Variants in GRIA2 observed in about 807,000 individuals in gnomAD.
GRIA2 encodes glutamate receptor 2.
Under a neutral mutation model 97.3 loss-of-function variants are expected in GRIA2, and 14 were observed. The ratio of observed to expected loss-of-function variants is 0.14; its 90% CI spans 0.10 to 0.23. The LOEUF is 0.23. Ranked by LOEUF, GRIA2 falls within the 10% of genes least tolerant of loss-of-function variation. GRIA2 has a pLI of 1.00. For synonymous variants in GRIA2, 412 were observed against 387.8 expected (o/e 1.06, Z -0.73); for missense variants, 558 against 1,069.8 (o/e 0.52, Z 6.67).
intron 4 of GRIA2, among the ~76,000 whole-genome samples, chr4:157,317,039 T>C (rs1432729783): frequency 6.6e-6 from 1 of 152,170 alleles, no homozygotes; most frequent in African/African-American, 2.4e-5. Context: ...GGAGAAAAAT[T>C]AGCTTCTCTG....
intron 2 of GRIA2, among the ~76,000 whole-genome samples, chr4:157,302,437 T>A (rs1733657656): frequency 6.6e-6 from 1 of 152,144 alleles, no homozygotes; most frequent in Admixed American, 6.5e-5. Flanking sequence ...TAAGCCATAT[T>A]ACTTTTTAAT....
intron 2 of GRIA2, among the ~76,000 whole-genome samples, chr4:157,286,639 T>G (rs769956645): frequency 3.7e-5 from 5 of 133,460 alleles, no homozygotes; most frequent in Non-Finnish European, 8.1e-5. Flanking sequence ...TTTCTATGTG[T>G]AATTTATGTT....
chr4:157,293,610 T>G (rs1313552056), intron 2 of GRIA2, among the ~76,000 whole-genome samples: 1 of 152,172 alleles, frequency 6.6e-6, no homozygotes, highest in East Asian at 1.9e-4. Flanking sequence ...TTTTAATCAG[T>G]ATGCTTGTTT....
chr4:157,363,377 AT>A, intron 15 of GRIA2, 57 bp from the exon 16 acceptor site: 2 of 1,139,402 alleles, frequency 1.8e-6, no homozygotes, highest in Non-Finnish European at 2.2e-6. Flanking sequence ...CTCTGGATGC[AT>A]TTGAAAACCA....
chr4:157,251,976 C>G (rs1487942469), intron 2 of GRIA2, among the ~76,000 whole-genome samples: 5 of 152,068 alleles, frequency 3.3e-5, no homozygotes, highest in African/African-American at 1.2e-4. Flanking sequence ...CATAGTTTGC[C>G]TTTTCCACTT....
chr4:157,336,712 T>G lies in GRIA2; in HGVS notation c.1809T>G (p.Gly603=). The part of the protein sequence containing the change: ...GIFNSLWFSL[G]AFMQQGCDIS... ...TTAATAGTCTCTGGTTTTCCTTGGG[T>G]GCCTTTATGCAGCAAGGATGCGATA... The change falls in exon 11 of 16, where the codon GGT becomes GGG. Residue 603 remains glycine (G), a synonymous_variant. Transcript: ENST00000264426. The G allele has an allele frequency of 1.9e-6, 3 of 1,612,726 alleles. No individual in the cohort carries two copies. Among genetic ancestry groups the G allele is most frequent in the Non-Finnish European group, 2.5e-6 (3 of 1,179,038 alleles).
chr4:157,261,192 G>A (rs930990686), intron 2 of GRIA2, among the ~76,000 whole-genome samples: 6 of 152,030 alleles, frequency 3.9e-5, no homozygotes, highest in Non-Finnish European at 5.9e-5. Flanking sequence ...CATGGCGGCA[G>A]GCAATAGAGC....
Position 157,361,268 on chromosome 4 carries a change from TC to T in GRIA2, c.2406+145del. ...TGGATGACCAGGACACTTGACTTCTTCTTTCTTTCTTCCTCTACTTCTCTTT... is the reference window on the plus strand; with the variant it reads ...TGGATGACCAGGACACTTGACTTCTTTTTCTTTCTTCCTCTACTTCTCTTT... On this transcript the variant is annotated intron_variant, in intron 14 of 15. Coordinates refer to ENST00000264426, the MANE Select transcript of GRIA2 (RefSeq NM_001083619.3). The surrounding 1 kb of genome is among the most constrained non-coding windows in gnomAD (Gnocchi z 5.2). 1 of 672,820 alleles carries T rather than the reference TC, an allele frequency of 1.5e-6. No homozygotes were observed. Among genetic ancestry groups the T allele is most frequent in the East Asian group, 2.7e-5 (1 of 36,806 alleles). The allele number at this position is 672,820 out of a possible 1,614,324, so 41.7% of individuals were successfully genotyped here. A position where few individuals can be genotyped will look rare whatever the true frequency, so the allele number is the denominator to read the frequency against.
intron 2 of GRIA2, 100 bp from the exon 3 acceptor site, chr4:157,303,452 T>C (rs1733702445): frequency 7.6e-6 from 7 of 920,702 alleles, no homozygotes; most frequent in African/African-American, 1.7e-5. Flanking sequence ...AATATGTTAA[T>C]TTTGTATTTT....
At chr4:157,298,481 A>G (rs1186926332) in intron 2 of GRIA2, among the ~76,000 whole-genome samples, 2 of 152,040 alleles carry the variant, frequency 1.3e-5, no homozygotes, top group African/African-American at 4.8e-5. Flanking sequence ...ATAAACACAT[A>G]GATATGGTTC....
intron 4 of GRIA2, among the ~76,000 whole-genome samples, chr4:157,316,473 C>A (rs1188800397): frequency 6.6e-6 from 1 of 151,972 alleles, no homozygotes; most frequent in Non-Finnish European, 1.5e-5. Context: ...ACTTTGTATC[C>A]GATTAGAGAA....
At chr4:157,304,428 C>T (rs1159715446) in intron 3 of GRIA2, among the ~76,000 whole-genome samples, 1 of 152,060 alleles carries the variant, frequency 6.6e-6, no homozygotes, top group East Asian at 1.9e-4. Flanking sequence ...GGAGGTACAA[C>T]CTGTATGTTT....
intron 3 of GRIA2, among the ~76,000 whole-genome samples, chr4:157,308,117 T>G (rs1368533033): frequency 1.3e-5 from 2 of 152,240 alleles, no homozygotes; most frequent in Non-Finnish European, 2.9e-5. Flanking sequence ...ACGTGCAAAC[T>G]GACAGACTTC....
At chr4:157,276,031 T>G (rs2126800526) in intron 2 of GRIA2, among the ~76,000 whole-genome samples, 1 of 152,290 alleles carries the variant, frequency 6.6e-6, no homozygotes, top group Admixed American at 6.5e-5. Flanking sequence ...GTATCCTCTT[T>G]TATTTCATTG....
intron 12 of GRIA2, among the ~76,000 whole-genome samples, chr4:157,342,679 T>G (rs1048027579): frequency 6.6e-6 from 1 of 152,112 alleles, no homozygotes; most frequent in African/African-American, 2.4e-5. Flanking sequence ...TTTTTAATAT[T>G]TGTATGCAGT....
At chr4:157,317,187 G>A (rs1734361798) in intron 4 of GRIA2, among the ~76,000 whole-genome samples, 1 of 152,094 alleles carries the variant, frequency 6.6e-6, no homozygotes, top group African/African-American at 2.4e-5. Context: ...CTTTTGAAAT[G>A]TATGTAGTAC....
intron 6 of GRIA2, among the ~76,000 whole-genome samples, chr4:157,322,984 A>T (rs1195789551): frequency 1.3e-5 from 2 of 152,194 alleles, no homozygotes; most frequent in Non-Finnish European, 2.9e-5. Context: ...AAAGAAGAAC[A>T]CCAAGTAACT....
At position 157,363,481 on chromosome 4, in the gene GRIA2, C is replaced by T; in HGVS notation, c.*50C>T. On this transcript the variant is annotated 3_prime_UTR_variant, in exon 16 of 16. Coordinates refer to ENST00000264426, the MANE Select transcript of GRIA2 (RefSeq NM_001083619.3). ...AGGAACAAGGCAAGGCTGTCAATTA[C>T]AGGAAGTACTGGAGAAAATGGACGT... 2 of 1,240,136 alleles carry T rather than the reference C, an allele frequency of 1.6e-6. No homozygotes were observed. The highest frequency in any genetic ancestry group is 2.0e-6 in the Non-Finnish European group (2 of 990,948). The allele number at this position is 1,240,136 out of a possible 1,614,324, so 76.8% of individuals were successfully genotyped here.
chr4:157,323,100 C>A (rs1339560611), intron 6 of GRIA2, among the ~76,000 whole-genome samples: 1 of 151,908 alleles, frequency 6.6e-6, no homozygotes, highest in Middle Eastern at 3.2e-3. Context: ...CTTTGGGAGG[C>A]CGAGGTGGGC....
Sources: allele counts gnomAD v4.1 joint callset (sites outside exome capture counted in the v4.1 genomes callset), GRCh38; gene constraint gnomAD v4.1.1; non-coding constraint Gnocchi (gnomAD v3.1); transcripts MANE v1.5; gene names NCBI Gene and HGNC (gene_info 2026-07-23, HGNC 2026-07-21).